Variants in ANO4 observed in about 807,000 individuals in gnomAD.
The protein encoded by ANO4 is anoctamin 4.
ANO4 carries 69 observed loss-of-function variants against 141.9 expected under a neutral mutation model. The ratio of observed to expected loss-of-function variants is 0.49; its 90% CI spans 0.40 to 0.59. The LOEUF is 0.59. ANO4 is among the 20% of genes least tolerant of loss of function. The probability of loss-of-function intolerance (pLI) is 0.00; values close to 1 mark genes in which losing one functional copy is unlikely to be tolerated. For synonymous variants in ANO4, 350 were observed against 394.3 expected (o/e 0.89, Z 1.33); for missense variants, 894 against 1,162.2 (o/e 0.77, Z 3.36).
intron 3 of ANO4, among the ~76,000 whole-genome samples, chr12:100,930,468 C>T (rs909860218): frequency 6.6e-6 from 1 of 151,992 alleles, no homozygotes; most frequent in African/African-American, 2.4e-5. Context: ...TTCTTGGCAC[C>T]ATTGTCAAAA....
Position 101,127,906 on chromosome 12 carries a change from T to A in ANO4, c.*50T>A, listed in dbSNP as rs1317628491. 1 of 152,614 alleles carries A rather than the reference T, an allele frequency of 6.6e-6. No homozygotes were observed. The highest frequency in any genetic ancestry group is 6.5e-5 in the Admixed American group (1 of 15,282). 9.5% of individuals were successfully genotyped at this position (152,614 alleles called of 1,614,324 possible). A position where few individuals can be genotyped will look rare whatever the true frequency, so the allele number is the denominator to read the frequency against. On this transcript the variant is annotated 3_prime_UTR_variant, in exon 28 of 28. Transcript: ENST00000392977. ...CAAGGACCTGAATTCTGTTTACTTC[T>A]TCTGGCTGTGCAAAAGCACACTCAA... is the stretch of plus-strand genomic sequence containing the variant.
At chr12:100,731,666 T>C (rs553289430) in intron 1 of ANO4, among the ~76,000 whole-genome samples, 1 of 152,344 alleles carries the variant, frequency 6.6e-6, no homozygotes, top group South Asian at 2.1e-4. Flanking sequence ...CCCTCCACTC[T>C]GACCCCTGGC....
At chr12:100,798,869 A>G (rs2034509815) in intron 1 of ANO4, among the ~76,000 whole-genome samples, 1 of 152,244 alleles carries the variant, frequency 6.6e-6, no homozygotes, top group South Asian at 2.1e-4. Context: ...ACCCTTAATT[A>G]GGCATCTGCT....
At chr12:100,719,181 T>A (rs1200200140) in intron 1 of ANO4, among the ~76,000 whole-genome samples, 2 of 152,214 alleles carry the variant, frequency 1.3e-5, no homozygotes, top group African/African-American at 2.4e-5. Flanking sequence ...AACTGAAGCA[T>A]ATTTCAATAA....
At chr12:100,977,896 CTCA>C (rs1433041844) in intron 7 of ANO4, among the ~76,000 whole-genome samples, 1 of 152,232 alleles carries the variant, frequency 6.6e-6, no homozygotes, top group Non-Finnish European at 1.5e-5. Context: ...CCATATTGAG[CTCA>C]TCGTTTCCAA....
At chr12:101,119,045 A>G (rs1253014928) in intron 25 of ANO4, among the ~76,000 whole-genome samples, 1 of 151,830 alleles carries the variant, frequency 6.6e-6, no homozygotes, top group Admixed American at 6.6e-5. Flanking sequence ...AAGGACATGA[A>G]CTCATCCTTT....
At chr12:100,928,037 G>A (rs1371078896) in intron 3 of ANO4, among the ~76,000 whole-genome samples, 3 of 152,054 alleles carry the variant, frequency 2.0e-5, no homozygotes, top group Admixed American at 6.6e-5. Flanking sequence ...TGTGGCTGAG[G>A]AGACTGAGTC....
At position 100,916,131 on chromosome 12, in the gene ANO4, A is replaced by G. The variant is rs567690359; in HGVS notation, c.56-6095A>G. 3.8e-3 allele frequency among the ~76,000 whole-genome samples: 575 copies of G among 152,294 alleles called. 11 individuals carry two copies. The highest frequency in any genetic ancestry group is 0.013 in the African/African-American group (550 of 41,566). Reference sequence around the variant, plus strand: ...GGAAAATCATGAAACAATGGGACACACACATAGAAGGATCCAACAGAGACT... The same window carrying G: ...GGAAAATCATGAAACAATGGGACACGCACATAGAAGGATCCAACAGAGACT... On this transcript the variant is annotated intron_variant, in intron 2 of 27. Coordinates refer to ENST00000392977, the MANE Select transcript of ANO4 (RefSeq NM_001286615.2).
At chr12:100,977,866 C>T (rs538289536) in intron 7 of ANO4, among the ~76,000 whole-genome samples, 36 of 152,322 alleles carry the variant, frequency 2.4e-4, no homozygotes, top group Non-Finnish European at 7.3e-5. Context: ...TCGCTTCCCT[C>T]CCACCACTCT....
In ANO4 at chr12:101,107,701, G is replaced by A. The variant is rs148933123; in HGVS notation, c.2150-2703G>A. Among the ~76,000 whole-genome samples, 70 of 152,250 alleles carry A rather than the reference G, an allele frequency of 4.6e-4. 1 individual carries two copies. The highest frequency in any genetic ancestry group is 1.7e-3 in the African/African-American group (69 of 41,528). On this transcript the variant is annotated intron_variant, in intron 22 of 27. Transcript: ENST00000392977. The stretch of plus-strand genomic sequence containing the variant: ...ATTTATTGAGATCCTTGAATGGCAT[G>A]GTGAAGTTTCGGATTTATTCTGCAG...
chr12:100,966,784 TAC>T (rs1176633264), intron 5 of ANO4, among the ~76,000 whole-genome samples: 2 of 151,528 alleles, frequency 1.3e-5, no homozygotes, highest in African/African-American at 2.4e-5. Flanking sequence ...ACTATATATA[TAC>T]ACACACATGT....
intron 14 of ANO4, among the ~76,000 whole-genome samples, chr12:101,055,377 G>A (rs1231916031): frequency 1.3e-5 from 2 of 152,136 alleles, no homozygotes; most frequent in Admixed American, 6.6e-5. Context: ...ATTTTAGTGG[G>A]TATATGGTAT....
chr12:100,811,293 CT>C (rs34116204), intron 1 of ANO4, among the ~76,000 whole-genome samples: 3 of 152,150 alleles, frequency 2.0e-5, no homozygotes. Context: ...AGCCGAGATA[CT>C]TTTTTTCCAT....
chr12:101,030,910 C>G (rs2046948547), intron 9 of ANO4, among the ~76,000 whole-genome samples: 1 of 152,116 alleles, frequency 6.6e-6, no homozygotes, highest in Non-Finnish European at 1.5e-5. Flanking sequence ...CTGAATAGAC[C>G]AGTAACAAGT....
At chr12:100,775,878 G>A (rs2033484902) in intron 3 of ANO4, among the ~76,000 whole-genome samples, 3 of 151,272 alleles carry the variant, frequency 2.0e-5, no homozygotes, top group Admixed American at 6.6e-5. Context: ...TCCCCCAGCT[G>A]TTGTGTTTTT....
intron 2 of ANO4, among the ~76,000 whole-genome samples, chr12:100,920,771 G>A (rs561381944): frequency 1.3e-5 from 2 of 152,210 alleles, no homozygotes; most frequent in Admixed American, 1.3e-4. Context: ...CTTCCTTTTC[G>A]TTATTCACAT....
intron 1 of ANO4, among the ~76,000 whole-genome samples, chr12:100,797,983 C>T (rs912951681): frequency 5.9e-5 from 9 of 152,194 alleles, no homozygotes; most frequent in Admixed American, 3.9e-4. Context: ...TAAATATAAC[C>T]TCATACTTCT....
intron 15 of ANO4, among the ~76,000 whole-genome samples, chr12:101,081,022 A>AGTGTGTGTGTGT (rs139769612): frequency 3.2e-4 from 45 of 141,314 alleles, no homozygotes; most frequent in African/African-American, 1.0e-3. Flanking sequence ...TATGTATGTG[A>AGTGTGTGTGTGT]GTGTGTGTAT....
At chr12:100,940,690 G>T (rs1253605659) in intron 4 of ANO4, among the ~76,000 whole-genome samples, 1 of 152,152 alleles carries the variant, frequency 6.6e-6, no homozygotes, top group Non-Finnish European at 1.5e-5. Context: ...GTGGTTTCTA[G>T]CAATGGCCCT....
Sources: gnomAD v4.1 joint callset for allele counts (sites outside exome capture counted in the v4.1 genomes callset) on GRCh38, gnomAD v4.1.1 for gene constraint, MANE v1.5 for transcripts, NCBI Gene and HGNC (gene_info 2026-07-23, HGNC 2026-07-21) for gene names.